TBC1D5: variants seen among roughly 807,000 people sequenced by gnomAD.
TBC1D5 encodes the protein TBC1 domain family member 5.
In TBC1D5, 75 loss-of-function variants were observed where a neutral mutation model predicts 100.3. The observed-to-expected ratio is 0.75, with a 90% CI of 0.62 to 0.91. The LOEUF (loss-of-function observed/expected upper bound fraction) is 0.91. Among genes scored for constraint, TBC1D5 ranks in the 40% least tolerant of loss-of-function variants. The pLI, the probability that TBC1D5 is intolerant of heterozygous loss-of-function variation, is 0.00. For missense variants in TBC1D5, 910 were observed against 942.4 expected (o/e 0.97, Z 0.45); for synonymous variants, 323 against 325.6 (o/e 0.99, Z 0.09).
chr3:17,262,776 C>T (rs899751814), intron 15 of TBC1D5, among the ~76,000 whole-genome samples: 8 of 152,098 alleles, frequency 5.3e-5, no homozygotes, highest in Admixed American at 2.6e-4. Flanking sequence ...CCACCACACC[C>T]GGCCGACAAT....
intron 2 of TBC1D5, among the ~76,000 whole-genome samples, chr3:17,592,170 T>C (rs1281843007): frequency 6.6e-6 from 1 of 152,252 alleles, no homozygotes; most frequent in Non-Finnish European, 1.5e-5. Context: ...TATACCTTTA[T>C]TGTCCTGATA....
intron 1 of TBC1D5, among the ~76,000 whole-genome samples, chr3:17,705,291 G>C (rs1410183078): frequency 2.1e-5 from 2 of 94,622 alleles, no homozygotes; most frequent in Non-Finnish European, 4.7e-5. Context: ...GGCCAGGCGG[G>C]GGGCTGACCC....
At chr3:17,314,782 C>T (rs542902046) in intron 13 of TBC1D5, among the ~76,000 whole-genome samples, 3 of 152,162 alleles carry the variant, frequency 2.0e-5, no homozygotes, top group Non-Finnish European at 4.4e-5. Context: ...CTAAAATCTA[C>T]CATGCATTCA....
intron 1 of TBC1D5, among the ~76,000 whole-genome samples, chr3:17,730,423 T>C (rs2076463906): frequency 6.6e-6 from 1 of 152,180 alleles, no homozygotes; most frequent in Admixed American, 6.5e-5. Context: ...TTGAAATGCT[T>C]GTTCTTAGAG....
At chr3:17,158,208 A>G (rs1270818083) in exon 22 of TBC1D5, 1 of 152,278 alleles carries the variant, frequency 6.6e-6, no homozygotes, top group Non-Finnish European at 1.5e-5. Context: ...AGAGGAATGC[A>G]TGAAACACAT....
chr3:17,177,924 T>G (rs9833666), intron 19 of TBC1D5, among the ~76,000 whole-genome samples: 30 of 152,016 alleles, frequency 2.0e-4, no homozygotes. Flanking sequence ...TGAGTTCAAT[T>G]GTTTTTATTT....
intron 1 of TBC1D5, among the ~76,000 whole-genome samples, chr3:17,662,196 T>C (rs2066733632): frequency 6.6e-6 from 1 of 152,218 alleles, no homozygotes; most frequent in Admixed American, 6.5e-5. Flanking sequence ...CCCAGCCCAC[T>C]TTCTCCTTTA....
intron 2 of TBC1D5, chr3:17,561,938 C>T (rs1055633220): frequency 1.3e-5 from 2 of 152,024 alleles, no homozygotes; most frequent in Non-Finnish European, 2.9e-5. Flanking sequence ...GGAAAAAAGA[C>T]CATACAATGT....
At chr3:17,228,796 A>T (rs1379302364) in intron 17 of TBC1D5, among the ~76,000 whole-genome samples, 3 of 151,090 alleles carry the variant, frequency 2.0e-5, no homozygotes. Flanking sequence ...TCTCTGAAAC[A>T]CTCAATAAAA....
chr3:17,572,513 A>G (rs1416059734), intron 2 of TBC1D5, among the ~76,000 whole-genome samples: 1 of 151,790 alleles, frequency 6.6e-6, no homozygotes, highest in Non-Finnish European at 1.5e-5. Flanking sequence ...AGAACAACAA[A>G]CCTCTGCTGC....
chr3:17,355,903 C>T (rs1193023774), intron 13 of TBC1D5, among the ~76,000 whole-genome samples: 3 of 152,090 alleles, frequency 2.0e-5, no homozygotes, highest in Non-Finnish European at 4.4e-5. Context: ...TCTAATGTGG[C>T]TCCTATTCTA....
At chr3:17,263,730 G>A (rs1165594246) in intron 15 of TBC1D5, among the ~76,000 whole-genome samples, 1 of 152,176 alleles carries the variant, frequency 6.6e-6, no homozygotes, top group Non-Finnish European at 1.5e-5. Context: ...ACTGACAGTG[G>A]TAGATGCAAG....
At chr3:17,340,191 A>ATGTTTGGGTCCCCTC (rs2151380336) in intron 13 of TBC1D5, among the ~76,000 whole-genome samples, 1 of 152,296 alleles carries the variant, frequency 6.6e-6, no homozygotes, top group Non-Finnish European at 1.5e-5. Context: ...TTTCCATTTC[A>ATGTTTGGGTCCCCTC]TGTTTGGGTC....
At chr3:17,350,302 AGAGAAACGCATGG>A (rs150106353) in intron 13 of TBC1D5, among the ~76,000 whole-genome samples, 13,678 of 152,208 alleles carry the variant, frequency 0.09, 1,408 homozygotes, top group African/African-American at 0.25. Context: ...GATGTGGGTT[AGAGAAACGCATGG>A]GAGGAATGAC....
At chr3:17,508,245 G>A (rs1041872851) in intron 3 of TBC1D5, among the ~76,000 whole-genome samples, 1 of 152,130 alleles carries the variant, frequency 6.6e-6, no homozygotes, top group Non-Finnish European at 1.5e-5. Flanking sequence ...TTTAAAGAAC[G>A]ACAGTGCGTT....
At chr3:17,196,295 G>A (rs2070677099) in intron 18 of TBC1D5, among the ~76,000 whole-genome samples, 1 of 152,186 alleles carries the variant, frequency 6.6e-6, no homozygotes, top group South Asian at 2.1e-4. Flanking sequence ...TACAAGTGCT[G>A]AAAGCTCCTA....
chr3:17,251,920 T>A (rs1409754715), intron 16 of TBC1D5, among the ~76,000 whole-genome samples: 2 of 152,186 alleles, frequency 1.3e-5, no homozygotes, highest in East Asian at 3.8e-4. Context: ...GAAAGATCCA[T>A]CTAACTTATT....
rs190574512 is a variant in TBC1D5, at chr3:17,694,892, G to A, written c.-101+44451C>T. Among the ~76,000 whole-genome samples, 16 of 152,234 alleles carry A rather than the reference G, an allele frequency of 1.1e-4. No homozygotes were observed. The East Asian group carries it at 2.3e-3, about 22-fold the overall frequency. ...AAAGGAAGCCCATCAGACTAACAGC[G>A]GACCTCTCGGCAGAAACCCTACAAC... is the stretch of plus-strand genomic sequence containing the variant. On this transcript the variant is annotated intron_variant, in intron 1 of 21. Transcript: ENST00000253692.
At position 17,215,193 on chromosome 3, in the gene TBC1D5, C is replaced by G. The variant is rs1576021826; in HGVS notation, c.1589-823G>C. On this transcript the variant is annotated intron_variant, in intron 17 of 21. Transcript: ENST00000253692. Reference sequence around the variant, plus strand: ...ATTGCTCTGGCTGTTGTATTGAGAACAGAATCAGAGATGGTCAAGTGGGGG... The same window carrying G: ...ATTGCTCTGGCTGTTGTATTGAGAAGAGAATCAGAGATGGTCAAGTGGGGG... Among the ~76,000 whole-genome samples, 5 of 152,154 alleles carry G rather than the reference C, an allele frequency of 3.3e-5. 1 individual carries two copies. The South Asian group carries it at 1.0e-3, about 32-fold the overall frequency.
Sources: allele counts gnomAD v4.1 joint callset (sites outside exome capture counted in the v4.1 genomes callset), GRCh38; gene constraint gnomAD v4.1.1; transcripts MANE v1.5; gene names NCBI Gene and HGNC (gene_info 2026-07-23, HGNC 2026-07-21).